HNRNPC: variants seen among roughly 807,000 people sequenced by gnomAD.
HNRNPC encodes heterogeneous nuclear ribonucleoprotein C.
Under a neutral mutation model 33.2 loss-of-function variants are expected in HNRNPC, and 3 were observed. The observed-to-expected ratio is 0.09, with a 90% CI of 0.04 to 0.23. HNRNPC has a LOEUF of 0.23. HNRNPC is among the 10% of genes least tolerant of loss of function. The probability of loss-of-function intolerance (pLI) is 1.00; values close to 1 mark genes in which losing one functional copy is unlikely to be tolerated. For synonymous variants in HNRNPC, 121 were observed against 126.7 expected (o/e 0.96, Z 0.30); for missense variants, 143 against 366.7 (o/e 0.39, Z 4.98).
intron 5 of HNRNPC, among the ~76,000 whole-genome samples, chr14:21,214,756 A>T (rs183582163): frequency 1.4e-3 from 209 of 152,338 alleles, no homozygotes; most frequent in African/African-American, 4.7e-3. Context: ...GCAAAGTATA[A>T]TGATACAGAA....
chr14:21,259,933 C>T (rs1413745001), intron 2 of HNRNPC, among the ~76,000 whole-genome samples: 1 of 149,132 alleles, frequency 6.7e-6, no homozygotes, highest in Non-Finnish European at 1.5e-5. Flanking sequence ...GGCGCGGTGG[C>T]TCACGCCTGT....
chr14:21,209,826 G>A lies in HNRNPC; in HGVS notation c.*1397C>T, dbSNP rs1232370547. On this transcript the variant is annotated 3_prime_UTR_variant, in exon 9 of 9. Transcript: ENST00000553300. ...AAAAACTGAAGTATAAAACACAAATGAACTAAGCCTTTCAAGGATGAGGTA... is the reference window on the plus strand; with the variant it reads ...AAAAACTGAAGTATAAAACACAAATAAACTAAGCCTTTCAAGGATGAGGTA... 1 of 152,148 alleles carries A rather than the reference G, an allele frequency of 6.6e-6. No individual in the cohort carries two copies. Among genetic ancestry groups the A allele is most frequent in the Non-Finnish European group, 1.5e-5 (1 of 68,032 alleles). 9.4% of individuals were successfully genotyped at this position (152,148 alleles called of 1,614,324 possible). A position where few individuals can be genotyped will look rare whatever the true frequency, so the allele number is the denominator to read the frequency against.
intron 2 of HNRNPC, among the ~76,000 whole-genome samples, chr14:21,261,279 A>G (rs1297564743): frequency 1.3e-5 from 2 of 152,364 alleles, no homozygotes; most frequent in Middle Eastern, 3.4e-3. Context: ...CATGTCCCAT[A>G]AAAATAATAA....
intron 1 of HNRNPC, among the ~76,000 whole-genome samples, chr14:21,267,186 A>AT (rs1879167427): frequency 6.6e-6 from 1 of 151,980 alleles, no homozygotes; most frequent in Non-Finnish European, 1.5e-5. Flanking sequence ...GCAACAAAAA[A>AT]TTTGAATTAG....
At chr14:21,216,339 T>C (rs940316139) in intron 5 of HNRNPC, among the ~76,000 whole-genome samples, 2 of 152,180 alleles carry the variant, frequency 1.3e-5, no homozygotes, top group East Asian at 1.9e-4. Context: ...CTATTAATAA[T>C]AAAGCTATCA....
intron 2 of HNRNPC, among the ~76,000 whole-genome samples, chr14:21,242,971 A>G (rs1382052922): frequency 6.6e-6 from 1 of 152,126 alleles, no homozygotes; most frequent in Admixed American, 6.5e-5. Context: ...CTAACAATAC[A>G]AAGATAAGCT....
At chr14:21,259,325 C>G (rs1407803518) in intron 2 of HNRNPC, among the ~76,000 whole-genome samples, 2 of 152,132 alleles carry the variant, frequency 1.3e-5, no homozygotes, top group Non-Finnish European at 2.9e-5. Context: ...TCTTCTTTTC[C>G]TTCATCGATC....
At chr14:21,259,519 A>C (rs1418613000) in intron 2 of HNRNPC, among the ~76,000 whole-genome samples, 4 of 152,156 alleles carry the variant, frequency 2.6e-5, no homozygotes, top group Non-Finnish European at 5.9e-5. Context: ...GATGTTTAAA[A>C]TATTCTTTTT....
intron 2 of HNRNPC, among the ~76,000 whole-genome samples, chr14:21,261,791 A>G (rs1878293092): frequency 6.6e-6 from 1 of 152,200 alleles, no homozygotes; most frequent in Admixed American, 6.5e-5. Flanking sequence ...AACCTATCAG[A>G]GCAACTCTAA....
At chr14:21,212,574 T>G (rs1246939200) in intron 6 of HNRNPC, among the ~76,000 whole-genome samples, 1 of 151,994 alleles carries the variant, frequency 6.6e-6, no homozygotes, top group Non-Finnish European at 1.5e-5. Flanking sequence ...GATGGAGTTT[T>G]GCTCGTCACC....
At chr14:21,222,170 A>G (rs1892899395) in intron 5 of HNRNPC, among the ~76,000 whole-genome samples, 1 of 152,186 alleles carries the variant, frequency 6.6e-6, no homozygotes, top group African/African-American at 2.4e-5. Context: ...GGATAAAAGC[A>G]AAAGACAGAT....
At position 21,231,139 on chromosome 14, in the gene HNRNPC, T is replaced by C. The variant is rs185355112; in HGVS notation, c.242-67A>G. On this transcript the variant is annotated intron_variant, in intron 3 of 8. Coordinates refer to ENST00000553300, the MANE Select transcript of HNRNPC (RefSeq NM_004500.4). ...CGGGTAAAACAAACTACAAAGTTTA[T>C]TTTTTTTATTTTTGAGACATAGTTT... 28 of 1,421,096 alleles carry C rather than the reference T, an allele frequency of 2.0e-5. No individual in the cohort carries two copies. In the Admixed American group the frequency reaches 4.8e-4, roughly 24 times the overall value. 88.0% of individuals were successfully genotyped at this position (1,421,096 alleles called of 1,614,324 possible).
chr14:21,228,248 C>T (rs1893695255), intron 5 of HNRNPC, among the ~76,000 whole-genome samples: 1 of 152,162 alleles, frequency 6.6e-6, no homozygotes, highest in African/African-American at 2.4e-5. Context: ...CTAAGCTTGT[C>T]GGAGTTATTT....
At chr14:21,213,601 A>C (rs1005634671) in intron 5 of HNRNPC, among the ~76,000 whole-genome samples, 34 of 152,354 alleles carry the variant, frequency 2.2e-4, no homozygotes, top group African/African-American at 8.2e-4. Flanking sequence ...TCACCCACAG[A>C]AGCACACGAA....
At chr14:21,249,602 A>AC (rs201223293) in intron 2 of HNRNPC, among the ~76,000 whole-genome samples, 1,650 of 150,148 alleles carry the variant, frequency 0.011, 20 homozygotes, top group Middle Eastern at 0.038. Context: ...ACAAAAAAAA[A>AC]AAAAAAAAAA....
chr14:21,254,039 G>T (rs1416660702), intron 2 of HNRNPC, among the ~76,000 whole-genome samples: 1 of 150,128 alleles, frequency 6.7e-6, no homozygotes, highest in African/African-American at 2.5e-5. Flanking sequence ...CTCCAGCCTG[G>T]GCTAGAGTGA....
chr14:21,239,236 T>C (rs759287209), intron 2 of HNRNPC, among the ~76,000 whole-genome samples: 69 of 152,158 alleles, frequency 4.5e-4, no homozygotes, highest in Non-Finnish European at 8.5e-4. Flanking sequence ...GCCAGGCACT[T>C]TGGGAGGCCG....
rs948335501 is a variant in HNRNPC, at chr14:21,211,568, T to A, written c.638-2A>T. On this transcript the variant is annotated splice_acceptor_variant, in intron 7 of 8. Coordinates refer to ENST00000553300, the MANE Select transcript of HNRNPC (RefSeq NM_004500.4). LOFTEE classifies it high-confidence loss of function. ...CTGACTTATCATTCTTCATCTCTAC[T>A]GCGGATGAGAAGGACAAGTCTGTCT... is the stretch of plus-strand genomic sequence containing the variant. 6.2e-7 allele frequency: 1 copy of A among 1,605,272 alleles called. No homozygotes were observed. The highest frequency in any genetic ancestry group is 1.7e-5 in the Admixed American group (1 of 58,980).
intron 2 of HNRNPC, among the ~76,000 whole-genome samples, chr14:21,258,614 A>G (rs1877636781): frequency 6.6e-6 from 1 of 152,192 alleles, no homozygotes; most frequent in South Asian, 2.1e-4. Flanking sequence ...AAGTTAACAC[A>G]AACTCACAAC....
Sources: allele counts gnomAD v4.1 joint callset (sites outside exome capture counted in the v4.1 genomes callset), GRCh38; gene constraint gnomAD v4.1.1; transcripts MANE v1.5; gene names NCBI Gene and HGNC (gene_info 2026-07-23, HGNC 2026-07-21).